The following APP variants were observed in gnomAD, a reference collection of about 807,000 sequenced individuals.
The protein encoded by APP is amyloid-beta precursor protein.
A neutral mutation model predicts 101.4 loss-of-function variants in APP; 31 were observed. The observed-to-expected ratio is 0.31, with a 90% CI of 0.23 to 0.41. APP has a LOEUF of 0.41. APP is among the 10% of genes least tolerant of loss of function. The probability of loss-of-function intolerance (pLI) is 1.00; values close to 1 mark genes in which losing one functional copy is unlikely to be tolerated. For synonymous variants in APP, 366 were observed against 364.4 expected (o/e 1.00, Z -0.05); for missense variants, 839 against 1,003.7 (o/e 0.84, Z 2.22).
At position 25,881,687 on chromosome 21, in the gene APP, C is replaced by T; in HGVS notation, c.2296G>A (p.Glu766Lys). Residue 766 changes from glutamate to lysine, a missense_variant, in exon 18 of 18, where the codon GAG (glutamate) becomes AAG (lysine). Physicochemically the swap from Glu to Lys is moderately conservative, Grantham distance 56. Transcript: ENST00000346798. ...GYENPTYKFFEQMQN is the reference protein window; with the variant it reads ...GYENPTYKFFKQMQN ...GCGGGGGTCTAGTTCTGCATCTGCTCAAAGAACTTGTAGGTTGGATTTTCG... is the reference window on the plus strand; with the variant it reads ...GCGGGGGTCTAGTTCTGCATCTGCTTAAAGAACTTGTAGGTTGGATTTTCG... 3 of 1,613,984 alleles carry T rather than the reference C, an allele frequency of 1.9e-6. No individual in the cohort carries two copies. The highest frequency in any genetic ancestry group is 2.5e-6 in the Non-Finnish European group (3 of 1,180,018).
chr21:26,084,236 T>TC (rs2061656198), intron 3 of APP, among the ~76,000 whole-genome samples: 1 of 129,894 alleles, frequency 7.7e-6, no homozygotes, highest in Non-Finnish European at 1.6e-5. Context: ...CATTTTTTTT[T>TC]TTTTTTTTTT....
At chr21:26,137,939 T>C (rs1399220248) in intron 1 of APP, among the ~76,000 whole-genome samples, 1 of 152,154 alleles carries the variant, frequency 6.6e-6, no homozygotes, top group African/African-American at 2.4e-5. Flanking sequence ...AACAAAGGGC[T>C]ACCCTAGGAA....
Position 25,884,777 on chromosome 21 carries a change from T to C in APP, c.2212-3006A>G, listed in dbSNP as rs547350888. ...AGAAAAAAGCCACAATGCTGCTTGATTGTTGGAATATTATACTTTTATTTC... is the reference window on the plus strand; with the variant it reads ...AGAAAAAAGCCACAATGCTGCTTGACTGTTGGAATATTATACTTTTATTTC... On this transcript the variant is annotated intron_variant, in intron 17 of 17. Coordinates refer to ENST00000346798, the MANE Select transcript of APP (RefSeq NM_000484.4). 4.6e-5 allele frequency among the ~76,000 whole-genome samples: 7 copies of C among 152,310 alleles called. No individual in the cohort carries two copies. In the South Asian group the frequency reaches 8.3e-4, roughly 18 times the overall value.
Position 26,170,694 on chromosome 21 carries a change from G to A in APP, c.-74C>T, listed in dbSNP as rs1569061372. ...GCCGCGTCCTTGCTCTGCCCGCGCCGCCACCGCCGCCGTCTCCCGGGGCCC... is the reference window on the plus strand; with the variant it reads ...GCCGCGTCCTTGCTCTGCCCGCGCCACCACCGCCGCCGTCTCCCGGGGCCC... On this transcript the variant is annotated 5_prime_UTR_variant, in exon 1 of 18. Coordinates refer to ENST00000346798, the MANE Select transcript of APP (RefSeq NM_000484.4). 3 of 1,410,916 alleles carry A rather than the reference G, an allele frequency of 2.1e-6. No individual in the cohort carries two copies. The highest frequency in any genetic ancestry group is 2.8e-6 in the Non-Finnish European group (3 of 1,077,682). 87.4% of individuals were successfully genotyped at this position (1,410,916 alleles called of 1,614,324 possible).
intron 16 of APP, among the ~76,000 whole-genome samples, chr21:25,892,839 A>C (rs1382028205): frequency 1.3e-5 from 2 of 152,236 alleles, no homozygotes; most frequent in African/African-American, 4.8e-5. Context: ...AGTTGATCTT[A>C]TGCCAGATGA....
intron 13 of APP, among the ~76,000 whole-genome samples, chr21:25,945,212 A>C (rs969325828): frequency 2.0e-5 from 3 of 152,322 alleles, no homozygotes; most frequent in Admixed American, 6.5e-5. Flanking sequence ...AGCATGCTAA[A>C]TCAGTTCTCT....
At chr21:25,962,553 C>A (rs997197102) in intron 11 of APP, among the ~76,000 whole-genome samples, 2 of 152,146 alleles carry the variant, frequency 1.3e-5, no homozygotes, top group African/African-American at 2.4e-5. Context: ...GTGGCCTTCC[C>A]AATTTTCACC....
At chr21:26,114,792 T>C (rs1028044633) in intron 1 of APP, among the ~76,000 whole-genome samples, 1 of 152,212 alleles carries the variant, frequency 6.6e-6, no homozygotes, top group African/African-American at 2.4e-5. Context: ...TTTAATGTCA[T>C]CTGTTGGCAT....
chr21:26,057,208 T>C (rs1440014146), intron 3 of APP, among the ~76,000 whole-genome samples: 2 of 152,212 alleles, frequency 1.3e-5, no homozygotes, highest in African/African-American at 4.8e-5. Context: ...CTTATTTTTA[T>C]AAATGCTTCT....
intron 2 of APP, among the ~76,000 whole-genome samples, chr21:26,108,785 G>T (rs184217145): frequency 2.0e-5 from 3 of 152,230 alleles, no homozygotes; most frequent in African/African-American, 7.2e-5. Flanking sequence ...TCGGGAGGCT[G>T]AGGCAGGAGA....
Position 25,897,555 on chromosome 21 carries a change from G to A in APP, c.2064+18C>T. On this transcript the variant is annotated intron_variant, in intron 16 of 17. Coordinates refer to ENST00000346798, the MANE Select transcript of APP (RefSeq NM_000484.4). ...GCAAGACAAACAGTAGTGGAAAGAGGTAAATTATTTTACGTACCAATTTTT... is the reference window on the plus strand; with the variant it reads ...GCAAGACAAACAGTAGTGGAAAGAGATAAATTATTTTACGTACCAATTTTT... 2 of 1,576,976 alleles carry A rather than the reference G, an allele frequency of 1.3e-6. No homozygotes were observed. Among genetic ancestry groups the A allele is most frequent in the Non-Finnish European group, 1.7e-6 (2 of 1,146,260 alleles).
intron 13 of APP, among the ~76,000 whole-genome samples, chr21:25,953,124 G>A (rs2041164904): frequency 6.6e-6 from 1 of 152,100 alleles, no homozygotes; most frequent in African/African-American, 2.4e-5. Context: ...TTAGAGAGGG[G>A]GTTTCACCAT....
chr21:26,117,505 A>C (rs1007593560), intron 1 of APP, among the ~76,000 whole-genome samples: 1 of 152,334 alleles, frequency 6.6e-6, no homozygotes, highest in East Asian at 1.9e-4. Context: ...GAATCACAAA[A>C]GTGGACCATA....
At chr21:26,165,656 C>G (rs2063590520) in intron 1 of APP, among the ~76,000 whole-genome samples, 1 of 152,212 alleles carries the variant, frequency 6.6e-6, no homozygotes, top group Admixed American at 6.5e-5. Flanking sequence ...AAAAACCTCT[C>G]ATCTTCCCCA....
intron 11 of APP, among the ~76,000 whole-genome samples, chr21:25,965,907 G>A (rs1319527333): frequency 2.6e-5 from 4 of 152,286 alleles, no homozygotes; most frequent in South Asian, 2.1e-4. Flanking sequence ...AAAGCAGAGC[G>A]TAAAACCATA....
intron 8 of APP, 50 bp downstream of exon 8, chr21:25,997,310 A>C: frequency 6.5e-7 from 1 of 1,549,996 alleles, no homozygotes. Context: ...ATGTGAACCA[A>C]GCAGCATCCT....
chr21:26,018,935 A>G (rs2044215357), intron 6 of APP, among the ~76,000 whole-genome samples: 1 of 152,158 alleles, frequency 6.6e-6, no homozygotes, highest in African/African-American at 2.4e-5. Flanking sequence ...GTTCCGTCTT[A>G]ATATCAAATA....
intron 13 of APP, among the ~76,000 whole-genome samples, chr21:25,935,632 G>C (rs111949786): frequency 2.6e-4 from 40 of 152,152 alleles, no homozygotes; most frequent in African/African-American, 9.4e-4. Context: ...ACAAGGTCAG[G>C]AATTCGAGAC....
At chr21:25,895,087 ATAAAAG>A (rs1457904883) in intron 16 of APP, among the ~76,000 whole-genome samples, 1 of 148,914 alleles carries the variant, frequency 6.7e-6, no homozygotes, top group Non-Finnish European at 1.5e-5. Context: ...TATTTTACTA[ATAAAAG>A]TAAAGTATAT....
Sources: allele counts gnomAD v4.1 joint callset (sites outside exome capture counted in the v4.1 genomes callset), GRCh38; gene constraint gnomAD v4.1.1; transcripts MANE v1.5; gene names NCBI Gene and HGNC (gene_info 2026-07-23, HGNC 2026-07-21).